Variants in CDH11 observed in about 807,000 individuals in gnomAD.
The protein encoded by CDH11 is cadherin 11.
A neutral mutation model predicts 67.8 loss-of-function variants in CDH11; 11 were observed. The ratio of observed to expected loss-of-function variants is 0.16; its 90% CI spans 0.10 to 0.27. The LOEUF (loss-of-function observed/expected upper bound fraction) is 0.27, where lower values mean the gene tolerates loss of function less well. CDH11 is among the 10% of genes least tolerant of loss of function. The pLI is 1.00. For missense variants in CDH11, 847 were observed against 1,031.2 expected, an observed-to-expected ratio of 0.82 and a Z score of 2.45; for synonymous variants, 419 against 400.0, an observed-to-expected ratio of 1.05 and a Z score of -0.57.
chr16:64,945,586 T>TA lies in CDH11; in HGVS notation c.*2016dup. 1.9e-6 allele frequency: 2 copies of TA among 1,030,436 alleles called. No individual in the cohort carries two copies. The highest frequency in any genetic ancestry group is 3.4e-5 in the African/African-American group (2 of 59,362). 63.8% of individuals were successfully genotyped at this position (1,030,436 alleles called of 1,614,324 possible). ...TATTCTTTGGATTACAAAAACTATA[T>TA]AAAAAAATGAACACAACCTGCAATT... is the stretch of plus-strand genomic sequence containing the variant. On this transcript the variant is annotated 3_prime_UTR_variant, in exon 13 of 13. Transcript: ENST00000268603.
At chr16:65,108,653 G>A (rs2075105787) in intron 1 of CDH11, among the ~76,000 whole-genome samples, 1 of 150,866 alleles carries the variant, frequency 6.6e-6, no homozygotes, top group Admixed American at 6.6e-5. Context: ...GGATTTAAAT[G>A]TAGTTTTGCT....
intron 1 of CDH11, among the ~76,000 whole-genome samples, chr16:65,077,369 T>A (rs1339545578): frequency 6.6e-6 from 1 of 152,230 alleles, no homozygotes; most frequent in Non-Finnish European, 1.5e-5. Flanking sequence ...CAATTGTGTG[T>A]AGCTTCTTTT....
intron 2 of CDH11, among the ~76,000 whole-genome samples, chr16:65,019,937 C>T (rs1416297621): frequency 6.6e-6 from 1 of 151,864 alleles, no homozygotes; most frequent in Non-Finnish European, 1.5e-5. Flanking sequence ...TAATCTTTTA[C>T]CAAAAACACA....
chr16:65,048,612 T>C (rs527722291), intron 2 of CDH11, among the ~76,000 whole-genome samples: 3 of 152,086 alleles, frequency 2.0e-5, no homozygotes, highest in South Asian at 4.1e-4. Context: ...TATACATATA[T>C]ACACATAAAA....
intron 1 of CDH11, among the ~76,000 whole-genome samples, chr16:65,080,228 C>T (rs1186830529): frequency 6.6e-6 from 1 of 151,900 alleles, no homozygotes; most frequent in African/African-American, 2.4e-5. Context: ...AACCATTCAA[C>T]CCCTACTACT....
Position 64,948,026 on chromosome 16 carries a change from G to A in CDH11, c.1968C>T (p.Val656=), listed in dbSNP as rs1468364563. Residue 656 remains valine (V), a synonymous_variant, in exon 13 of 13, where the codon GTC becomes GTT. Transcript: ENST00000268603. ...CATCATAAGTAATGATGTTCTCACG[G>A]ACATCTTCTTCCTCAAAGACAATGA... is the stretch of plus-strand genomic sequence containing the variant. ...EPLIVFEEED[V]RENIITYDDE... 3.1e-6 allele frequency: 5 copies of A among 1,613,956 alleles called. No homozygotes were observed. Among genetic ancestry groups the A allele is most frequent in the African/African-American group, 1.3e-5 (1 of 74,878 alleles).
intron 8 of CDH11, among the ~76,000 whole-genome samples, chr16:64,976,919 G>A (rs1312068641): frequency 6.6e-6 from 1 of 151,784 alleles, no homozygotes; most frequent in Non-Finnish European, 1.5e-5. Context: ...TAGACTAGGT[G>A]CAGTGGTTCA....
chr16:65,029,112 CT>C (rs749445721), intron 2 of CDH11, among the ~76,000 whole-genome samples: 253 of 152,118 alleles, frequency 1.7e-3, no homozygotes, highest in Middle Eastern at 6.8e-3. Context: ...ATAAAATAAA[CT>C]TTTTTTTAAG....
At chr16:65,091,447 A>C (rs976771013) in intron 1 of CDH11, among the ~76,000 whole-genome samples, 1 of 152,182 alleles carries the variant, frequency 6.6e-6, no homozygotes, top group Non-Finnish European at 1.5e-5. Flanking sequence ...ATCGTACCTC[A>C]GCACATCAAT....
At chr16:65,045,711 A>G (rs1029687379) in intron 2 of CDH11, among the ~76,000 whole-genome samples, 2 of 152,130 alleles carry the variant, frequency 1.3e-5, no homozygotes, top group Non-Finnish European at 2.9e-5. Context: ...GTACAGGCGG[A>G]GTCAGTAAAT....
chr16:64,957,467 A>G (rs1016781025), intron 11 of CDH11, among the ~76,000 whole-genome samples: 10 of 152,082 alleles, frequency 6.6e-5, no homozygotes, highest in African/African-American at 2.4e-4. Context: ...ACACTTGAAG[A>G]CAGGTATTCA....
intron 12 of CDH11, among the ~76,000 whole-genome samples, chr16:64,950,247 A>G (rs1005480079): frequency 2.0e-5 from 3 of 152,126 alleles, no homozygotes; most frequent in Admixed American, 2.0e-4. Flanking sequence ...GAGGTGTTAG[A>G]ACAGATGTTA....
At position 64,945,791 on chromosome 16, in the gene CDH11, A is replaced by G; in HGVS notation, c.*1812T>C. The G allele has an allele frequency of 4.8e-6, 5 of 1,044,876 alleles. No individual in the cohort carries two copies. Among genetic ancestry groups the G allele is most frequent in the Non-Finnish European group, 5.8e-6 (5 of 866,076 alleles). 64.7% of individuals were successfully genotyped at this position (1,044,876 alleles called of 1,614,324 possible). A position where few individuals can be genotyped will look rare whatever the true frequency, so the allele number is the denominator to read the frequency against. On this transcript the variant is annotated 3_prime_UTR_variant, in exon 13 of 13. Transcript: ENST00000268603. ...TGCATGTTGACTAAATCATAAAAATAGTACATAACATGATATCAAGAAATG... is the reference window on the plus strand; with the variant it reads ...TGCATGTTGACTAAATCATAAAAATGGTACATAACATGATATCAAGAAATG...
intron 1 of CDH11, among the ~76,000 whole-genome samples, chr16:65,102,746 T>C (rs76872422): frequency 6.6e-6 from 1 of 152,140 alleles, no homozygotes; most frequent in African/African-American, 2.4e-5. Flanking sequence ...CTGAAAGTCA[T>C]GATTATCCCT....
intron 2 of CDH11, among the ~76,000 whole-genome samples, chr16:65,006,113 C>G (rs2073047827): frequency 6.6e-6 from 1 of 152,160 alleles, no homozygotes; most frequent in South Asian, 2.1e-4. Flanking sequence ...GTTCTCCTCT[C>G]TTAGAACCAT....
At chr16:65,059,963 T>C (rs1270752557) in intron 1 of CDH11, among the ~76,000 whole-genome samples, 3 of 152,194 alleles carry the variant, frequency 2.0e-5, no homozygotes, top group African/African-American at 7.2e-5. Flanking sequence ...CCAAATTATG[T>C]AGCTTCACTT....
At position 64,982,050 on chromosome 16, in the gene CDH11, T is replaced by A; in HGVS notation, c.1251A>T (p.Ile417=). Residue 417 remains isoleucine (I), a splice_region_variant and synonymous_variant, in exon 8 of 13, where the codon ATA becomes ATT. Transcript: ENST00000268603. ...TCTTAAAATAAATCCGTCTGTACCT[T>A]ATCGGGCTGTTGGCAGCATCAGGGT... The part of the protein sequence containing the change: ...AKDPDAANSP[I]RYSIDRHTDL... The A allele has an allele frequency of 1.2e-6, 2 of 1,611,208 alleles. No homozygotes were observed. Among genetic ancestry groups the A allele is most frequent in the Non-Finnish European group, 1.7e-6 (2 of 1,178,508 alleles).
intron 4 of CDH11, among the ~76,000 whole-genome samples, chr16:64,994,519 C>T (rs9923368): frequency 0.048 from 7,307 of 152,172 alleles, 621 homozygotes; most frequent in African/African-American, 0.17. Context: ...CTGACAACAA[C>T]GACTGTACTG....
chr16:65,121,508 G>A lies in CDH11; in HGVS notation c.-298+372C>T, dbSNP rs2142906058. On this transcript the variant is annotated intron_variant, in intron 1 of 12. Coordinates refer to ENST00000268603, the MANE Select transcript of CDH11 (RefSeq NM_001797.4). The surrounding 1 kb of genome is among the most constrained non-coding windows in gnomAD (Gnocchi z 4.1). ...CGTGGGCGACTTTCCCCAGAGATAT[G>A]ACCGGGGACAGTCGGCGTGTCCGGA... is the stretch of plus-strand genomic sequence containing the variant. 6.6e-6 allele frequency among the ~76,000 whole-genome samples: 1 copy of A among 152,216 alleles called. No homozygotes were observed. Among genetic ancestry groups the A allele is most frequent in the Non-Finnish European group, 1.5e-5 (1 of 68,012 alleles).
Sources: allele counts gnomAD v4.1 joint callset (sites outside exome capture counted in the v4.1 genomes callset), GRCh38; gene constraint gnomAD v4.1.1; non-coding constraint Gnocchi (gnomAD v3.1); transcripts MANE v1.5; gene names NCBI Gene and HGNC (gene_info 2026-07-23, HGNC 2026-07-21).